The following WIZ variants were observed in gnomAD, a reference collection of about 807,000 sequenced individuals.
The protein encoded by WIZ is WIZ zinc finger.
A neutral mutation model predicts 140.2 loss-of-function variants in WIZ; 25 were observed. The ratio of observed to expected loss-of-function variants is 0.18; its 90% CI spans 0.13 to 0.25. WIZ has a LOEUF of 0.25. WIZ is among the 10% of genes least tolerant of loss of function. The probability of loss-of-function intolerance (pLI) is 1.00; values close to 1 mark genes in which losing one functional copy is unlikely to be tolerated. For synonymous variants in WIZ, 1,125 were observed against 1,154.3 expected (o/e 0.97, Z 0.51); for missense variants, 2,231 against 2,632.6 (o/e 0.85, Z 3.34).
At chr19:15,433,549 T>G (rs1969397816) in intron 5 of WIZ, among the ~76,000 whole-genome samples, 2 of 152,158 alleles carry the variant, frequency 1.3e-5, no homozygotes, top group Admixed American at 6.5e-5. Flanking sequence ...GAAAGACTGG[T>G]CATAGCTCTC....
chr19:15,426,787 A>G (rs1968850368), intron 9 of WIZ, among the ~76,000 whole-genome samples, 195 bp downstream of exon 9: 1 of 152,212 alleles, frequency 6.6e-6, no homozygotes, highest in African/African-American at 2.4e-5. Context: ...TGCTTCTCAA[A>G]TGAATAAAGG....
intron 4 of WIZ, among the ~76,000 whole-genome samples, chr19:15,437,983 C>G (rs1969577643): frequency 6.6e-6 from 1 of 152,064 alleles, no homozygotes; most frequent in South Asian, 2.1e-4. Flanking sequence ...GCCCCCAACC[C>G]CTAGTGCGTA....
Position 15,423,033 on chromosome 19 carries a change from G to C in WIZ, c.*43C>G. ...ACAAGGACACAGAGGAGGAAGAAGA[G>C]GAGACAGAGGTGGCACGAGAGGGGA... On this transcript the variant is annotated 3_prime_UTR_variant, in exon 13 of 13. Transcript: ENST00000673675. 6.3e-7 allele frequency: 1 copy of C among 1,596,192 alleles called. No individual in the cohort carries two copies.
chr19:15,423,831 T>C (rs1306982764), intron 12 of WIZ, among the ~76,000 whole-genome samples: 1 of 152,248 alleles, frequency 6.6e-6, no homozygotes, highest in Non-Finnish European at 1.5e-5. Context: ...ACTTACCATG[T>C]GCCAGGCAGT....
rs1970065972 is a variant in WIZ, at chr19:15,449,801, G to A, written c.-64C>T. On this transcript the variant is annotated 5_prime_UTR_variant, in exon 1 of 13. Coordinates refer to ENST00000673675, the MANE Select transcript of WIZ (RefSeq NM_001371589.1). ...CCCAGGCCGGGCCGGGCCTCACCGG[G>A]GAGGCGGCGCCGCCGGCCAGGTGCC... 1 of 147,408 alleles carries A rather than the reference G, an allele frequency of 6.8e-6. No individual in the cohort carries two copies. The highest frequency in any genetic ancestry group is 1.5e-5 in the Non-Finnish European group (1 of 66,052). The allele number at this position is 147,408 out of a possible 1,614,324, so 9.1% of individuals were successfully genotyped here. A position where few individuals can be genotyped will look rare whatever the true frequency, so the allele number is the denominator to read the frequency against.
chr19:15,434,337 G>A (rs564933867), intron 5 of WIZ, among the ~76,000 whole-genome samples: 44 of 151,302 alleles, frequency 2.9e-4, no homozygotes, highest in Middle Eastern at 6.9e-3. Flanking sequence ...CGAGGCGGGC[G>A]GATCACAAGG....
Position 15,439,281 on chromosome 19 carries a change from C to T in WIZ, c.1713G>A (p.Thr571=), listed in dbSNP as rs780039027. The T allele has an allele frequency of 4.4e-5, 67 of 1,535,184 alleles. No homozygotes were observed. Among genetic ancestry groups the T allele is most frequent in the South Asian group, 3.8e-4 (32 of 83,894 alleles). ...CCAGCCTTCCGAGAGGCCTCTGGCCCGTGCCATGCAGGAGTGGCTTTGACA... is the reference window on the plus strand; with the variant it reads ...CCAGCCTTCCGAGAGGCCTCTGGCCTGTGCCATGCAGGAGTGGCTTTGACA... ...FPLSKPLLHG[T]GQRPLGRLAF... is the part of the protein sequence containing the mutation. The change falls in exon 4 of 13, where the codon ACG becomes ACA. Residue 571 remains threonine, a synonymous_variant. Coordinates refer to ENST00000673675, the MANE Select transcript of WIZ (RefSeq NM_001371589.1). This position sits in a 1 kb window ranked among gnomAD's most constrained non-coding sequence, Gnocchi z 7.0.
In WIZ at chr19:15,422,780, C is replaced by A; in HGVS notation, c.*296G>T. On this transcript the variant is annotated 3_prime_UTR_variant, in exon 13 of 13. Transcript: ENST00000673675. ...TGGCTGCTAGACGGGGGAGTGCTGT[C>A]CTCCCCTGTGACCAGACCGGCTGCC... 1 of 476,700 alleles carries A rather than the reference C, an allele frequency of 2.1e-6. No individual in the cohort carries two copies. The highest frequency in any genetic ancestry group is 3.6e-5 in the East Asian group (1 of 27,714). 29.5% of individuals were successfully genotyped at this position (476,700 alleles called of 1,614,324 possible). A position where few individuals can be genotyped will look rare whatever the true frequency, so the allele number is the denominator to read the frequency against.
chr19:15,432,158 G>A (rs1301429482), intron 5 of WIZ, among the ~76,000 whole-genome samples: 1 of 152,114 alleles, frequency 6.6e-6, no homozygotes, highest in Non-Finnish European at 1.5e-5. Flanking sequence ...TTTCCGCACC[G>A]GACGGACCGG....
In WIZ at chr19:15,425,494, G is replaced by C. The variant is rs774406975; in HGVS notation, c.4641C>G (p.Ser1547=). 1 of 1,609,176 alleles carries C rather than the reference G, an allele frequency of 6.2e-7. No homozygotes were observed. The highest frequency in any genetic ancestry group is 2.2e-5 in the East Asian group (1 of 44,722). ...CAGCCAGGGGCGACAGCGGCAGTGG[G>C]GACTGCACGGGCCCAGGGGCCACGG... ...PPTVAPGPVQ[S]PLPLSPLAGR... Residue 1547 remains serine (S), a synonymous_variant, in exon 10 of 13, where the codon TCC becomes TCG. Transcript: ENST00000673675.
chr19:15,449,337 T>C (rs2145427148), intron 1 of WIZ: 1 of 152,096 alleles, frequency 6.6e-6, no homozygotes, highest in Non-Finnish European at 1.5e-5. Flanking sequence ...GGGCTGGCAG[T>C]CTTGGTGGGG....
intron 9 of WIZ, 47 bp from the exon 10 acceptor site, chr19:15,425,815 AG>A (rs137992230): frequency 0.77 from 299,678 of 389,672 alleles, 109,496 homozygotes; most frequent in East Asian, 0.94. Flanking sequence ...GAGGAGGAGG[AG>A]GGAGGAGGAG....
At chr19:15,425,064 A>T in intron 10 of WIZ, 32 bp from the exon 11 acceptor site, 1 of 1,530,312 alleles carries the variant, frequency 6.5e-7, no homozygotes, top group Non-Finnish European at 8.8e-7. Context: ...GCTGAGTCAC[A>T]GCCCAAAGGG....
At chr19:15,433,406 C>A in intron 5 of WIZ, 1 of 961,792 alleles carries the variant, frequency 1.0e-6, no homozygotes, top group South Asian at 4.8e-5. Flanking sequence ...AGGGGGCAGG[C>A]TTCTAACGAC....
chr19:15,430,027 T>A lies in WIZ; in HGVS notation c.2974A>T (p.Ser992Cys). Residue 992 changes from serine to cysteine, a missense_variant, in exon 7 of 13, where the codon AGC becomes TGC. By Grantham distance (112) the Ser-to-Cys change is moderately radical (BLOSUM62 -1). This residue lies in a region of WIZ where 24 missense variants were observed against 61.2 expected (regional missense o/e 0.39). Transcript: ENST00000673675. Reference protein sequence around the residue: ...ACFETRKGLSSHARSHLRQLG... With the variant: ...ACFETRKGLSCHARSHLRQLG... ...TGCCGCAGGTGGGAGCGCGCGTGGC[T>A]GGACAGGCCCTTTCGGGTCTCAAAG... is the stretch of plus-strand genomic sequence containing the variant. 1 of 1,535,872 alleles carries A rather than the reference T, an allele frequency of 6.5e-7. No homozygotes were observed. The highest frequency in any genetic ancestry group is 8.7e-7 in the Non-Finnish European group (1 of 1,146,754).
chr19:15,426,642 C>T (rs530002335), intron 9 of WIZ, among the ~76,000 whole-genome samples: 6 of 152,354 alleles, frequency 3.9e-5, no homozygotes, highest in South Asian at 2.1e-4. Context: ...CCAGTCCCTA[C>T]GCTCCTGCTG....
chr19:15,438,413 G>A (rs1286364238), intron 4 of WIZ, among the ~76,000 whole-genome samples, 165 bp downstream of exon 4: 4 of 152,218 alleles, frequency 2.6e-5, no homozygotes, highest in Admixed American at 2.0e-4. Flanking sequence ...GGACTGGGGC[G>A]TCTCCACACA....
intron 5 of WIZ, among the ~76,000 whole-genome samples, chr19:15,436,110 G>A (rs1969506672): frequency 6.6e-6 from 1 of 152,264 alleles, no homozygotes; most frequent in African/African-American, 2.4e-5. Flanking sequence ...GCAAAAGAGC[G>A]AGACTCCATC....
intron 6 of WIZ, 43 bp downstream of exon 6, chr19:15,430,969 C>G: frequency 1.3e-6 from 2 of 1,484,564 alleles, no homozygotes; most frequent in Non-Finnish European, 9.0e-7. Context: ...TGAGTGTAAC[C>G]AGCCTGGCCA....
Sources: allele counts gnomAD v4.1 joint callset (sites outside exome capture counted in the v4.1 genomes callset), GRCh38; gene constraint gnomAD v4.1.1; regional missense constraint gnomAD v4.1.1; non-coding constraint Gnocchi (gnomAD v3.1); transcripts MANE v1.5; gene names NCBI Gene and HGNC (gene_info 2026-07-23, HGNC 2026-07-21).